Variants in CEP78 observed in about 807,000 individuals in gnomAD.
The protein encoded by CEP78 is centrosomal protein 78.
A neutral mutation model predicts 81.2 loss-of-function variants in CEP78; 76 were observed. That is an observed-to-expected ratio of 0.94 (90% CI 0.78 to 1.13). The LOEUF (loss-of-function observed/expected upper bound fraction) is 1.13, where lower values mean the gene tolerates loss of function less well. Ranked by LOEUF, CEP78 falls within the 50% of genes most tolerant of loss-of-function variation. CEP78 has a pLI of 0.00. For missense variants in CEP78, 918 were observed against 846.8 expected (o/e 1.08, Z -1.04); for synonymous variants, 293 against 301.4 (o/e 0.97, Z 0.29).
chr9:78,258,940 C>T (rs542720652), intron 11 of CEP78, among the ~76,000 whole-genome samples: 6 of 152,262 alleles, frequency 3.9e-5, no homozygotes, highest in East Asian at 1.9e-4. Flanking sequence ...CTTTGGAAAG[C>T]GTTTAGCATT....
intron 11 of CEP78, among the ~76,000 whole-genome samples, chr9:78,256,420 C>T (rs905480526): frequency 1.4e-4 from 21 of 151,950 alleles, no homozygotes; most frequent in Admixed American, 6.5e-5. Context: ...GTGGATTTTG[C>T]ACCCTAGAAA....
chr9:78,246,820 G>A (rs1450256129), intron 6 of CEP78, 38 bp downstream of exon 6: 3 of 1,177,576 alleles, frequency 2.5e-6, no homozygotes, highest in African/African-American at 1.6e-5. Flanking sequence ...CTAACAAATA[G>A]CAAAAGAAAA....
intron 10 of CEP78, chr9:78,253,768 G>C (rs1357174505): frequency 1.3e-5 from 2 of 152,718 alleles, no homozygotes; most frequent in African/African-American, 4.8e-5. Flanking sequence ...CATGGTATTA[G>C]AGCAAGTGAA....
intron 11 of CEP78, among the ~76,000 whole-genome samples, 160 bp from the exon 12 acceptor site, chr9:78,262,747 C>G (rs1397647294): frequency 6.6e-6 from 1 of 152,026 alleles, no homozygotes; most frequent in Non-Finnish European, 1.5e-5. Context: ...ATTAATTTCC[C>G]TAGCATGGTA....
intron 5 of CEP78, among the ~76,000 whole-genome samples, 179 bp from the exon 6 acceptor site, chr9:78,246,490 C>T (rs1177180188): frequency 1.3e-5 from 2 of 152,198 alleles, no homozygotes; most frequent in East Asian, 3.8e-4. Flanking sequence ...GTCCCAGCTA[C>T]TCAGGTGGCT....
chr9:78,251,851 T>C, intron 8 of CEP78, 57 bp from the exon 9 acceptor site: 1 of 1,499,702 alleles, frequency 6.7e-7, no homozygotes, highest in Non-Finnish European at 9.1e-7. Context: ...CATGTGCCTA[T>C]TCATCTGTAG....
intron 4 of CEP78, 89 bp from the exon 5 acceptor site, chr9:78,243,373 C>A: frequency 9.2e-7 from 1 of 1,086,408 alleles, no homozygotes; most frequent in Non-Finnish European, 1.3e-6. Flanking sequence ...GTGTGTAAAG[C>A]TCTGATGTAA....
intron 11 of CEP78, among the ~76,000 whole-genome samples, chr9:78,258,104 A>G (rs1181623146): frequency 6.6e-6 from 1 of 152,220 alleles, no homozygotes; most frequent in African/African-American, 2.4e-5. Context: ...TTTAGCACGT[A>G]TTGGACACTG....
chr9:78,270,492 A>G (rs1470611908), intron 16 of CEP78, among the ~76,000 whole-genome samples: 1 of 152,168 alleles, frequency 6.6e-6, no homozygotes, highest in Non-Finnish European at 1.5e-5. Context: ...ATGCACCTTT[A>G]CTGAGTACTT....
intron 11 of CEP78, among the ~76,000 whole-genome samples, chr9:78,255,301 C>T (rs1563989793): frequency 2.0e-5 from 3 of 152,102 alleles, no homozygotes; most frequent in African/African-American, 7.2e-5. Flanking sequence ...ATTCAGGGCT[C>T]TTTGGGAGGC....
intron 5 of CEP78, among the ~76,000 whole-genome samples, chr9:78,245,801 A>G (rs911294551): frequency 6.6e-6 from 1 of 152,216 alleles, no homozygotes; most frequent in Admixed American, 6.5e-5. Flanking sequence ...TATAATCTCT[A>G]TAATCTCTAT....
At chr9:78,240,241 T>C in intron 2 of CEP78, 46 bp downstream of exon 2, 1 of 1,612,752 alleles carries the variant, frequency 6.2e-7, no homozygotes, top group Admixed American at 1.7e-5. Flanking sequence ...TAGTTGCTTT[T>C]AGAGGAAAAA....
chr9:78,276,444 C>T lies in CEP78; in HGVS notation c.*5593C>T, dbSNP rs1268144183. 6.6e-6 allele frequency: 1 copy of T among 151,352 alleles called. No homozygotes were observed. 9.4% of individuals were successfully genotyped at this position (151,352 alleles called of 1,614,324 possible). A position where few individuals can be genotyped will look rare whatever the true frequency, so the allele number is the denominator to read the frequency against. On this transcript the variant is annotated 3_prime_UTR_variant, in exon 17 of 17. Transcript: ENST00000643273. The stretch of plus-strand genomic sequence containing the variant: ...AGTTTTTGCTAAGATAAAAACGGTA[C>T]TAAAAAGTACACATTTTGGGAAATG...
intron 16 of CEP78, among the ~76,000 whole-genome samples, chr9:78,269,627 T>G (rs1054509016): frequency 6.6e-6 from 1 of 152,132 alleles, no homozygotes; most frequent in Non-Finnish European, 1.5e-5. Flanking sequence ...CCACGGGATT[T>G]TGACAGTTAG....
intron 11 of CEP78, 145 bp downstream of exon 11, chr9:78,255,109 T>C: frequency 1.8e-6 from 1 of 544,360 alleles, no homozygotes; most frequent in Non-Finnish European, 3.1e-6. Flanking sequence ...GAATGGTTCT[T>C]TATCTTAGAA....
chr9:78,268,858 G>C (rs12550938), intron 16 of CEP78, among the ~76,000 whole-genome samples: 1 of 151,810 alleles, frequency 6.6e-6, no homozygotes, highest in African/African-American at 2.4e-5. Context: ...GGGTTTCACC[G>C]TGTTAGCCAG....
At chr9:78,266,921 T>C in intron 16 of CEP78, 2 of 1,426,576 alleles carry the variant, frequency 1.4e-6, no homozygotes, top group Non-Finnish European at 1.8e-6. Flanking sequence ...GTAAATCCAG[T>C]CCACTAGAAC....
In CEP78 at chr9:78,277,863, TCTG is replaced by T; in HGVS notation, c.*7013_*7015del. 1 of 152,220 alleles carries T rather than the reference TCTG, an allele frequency of 6.6e-6. No individual in the cohort carries two copies. The highest frequency in any genetic ancestry group is 1.5e-5 in the Non-Finnish European group (1 of 68,038). 9.4% of individuals were successfully genotyped at this position (152,220 alleles called of 1,614,324 possible). On this transcript the variant is annotated 3_prime_UTR_variant, in exon 17 of 17. Coordinates refer to ENST00000643273, the MANE Select transcript of CEP78 (RefSeq NM_001330691.3). ...ATTGTTGAATTAGTACATACCAATTTCTGACATATAACACTCTGCAGCAGATAA... is the reference window on the plus strand; with the variant it reads ...ATTGTTGAATTAGTACATACCAATTTACATATAACACTCTGCAGCAGATAA...
chr9:78,265,286 A>C (rs1037345194), intron 13 of CEP78, 86 bp from the exon 14 acceptor site: 12 of 1,075,406 alleles, frequency 1.1e-5, no homozygotes, highest in Non-Finnish European at 1.6e-5. Flanking sequence ...AGAAGTATTT[A>C]ATGATTGTAG....
Sources: gnomAD v4.1 joint callset for allele counts (sites outside exome capture counted in the v4.1 genomes callset) on GRCh38, gnomAD v4.1.1 for gene constraint, MANE v1.5 for transcripts, NCBI Gene and HGNC (gene_info 2026-07-23, HGNC 2026-07-21) for gene names.